Variants in HCN1 observed in about 807,000 individuals in gnomAD.
HCN1 encodes the protein potassium/sodium hyperpolarization-activated cyclic nucleotide-gated channel 1.
Under a neutral mutation model 78.9 loss-of-function variants are expected in HCN1, and 13 were observed. That is an observed-to-expected ratio of 0.16 (90% CI 0.11 to 0.26). The LOEUF is 0.26. Ranked by LOEUF, HCN1 falls within the 10% of genes least tolerant of loss-of-function variation. HCN1 has a pLI of 1.00. For synonymous variants in HCN1, 552 were observed against 455.5 expected (o/e 1.21, Z -2.70); for missense variants, 810 against 1,154.3 (o/e 0.70, Z 4.32).
chr5:45,581,980 CT>C (rs1744086999), intron 2 of HCN1, among the ~76,000 whole-genome samples: 1 of 152,134 alleles, frequency 6.6e-6, no homozygotes, highest in Non-Finnish European at 1.5e-5. Context: ...GTTCATTTGG[CT>C]TAGGATTGAC....
At chr5:45,355,345 C>T (rs191775487) in intron 4 of HCN1, among the ~76,000 whole-genome samples, 208 of 151,940 alleles carry the variant, frequency 1.4e-3, no homozygotes, top group African/African-American at 4.7e-3. Context: ...GTTGCCAAAC[C>T]ACCAATAGCA....
Position 45,348,807 on chromosome 5 carries a change from C to T in HCN1, c.1377+4293G>A, listed in dbSNP as rs564258195. Among the ~76,000 whole-genome samples the T allele has an allele frequency of 3.0e-3, 452 of 152,308 alleles. 2 individuals are homozygous for T. Among genetic ancestry groups the T allele is most frequent in the African/African-American group, 0.01 (428 of 41,572 alleles). On this transcript the variant is annotated intron_variant, in intron 5 of 7. Coordinates refer to ENST00000303230, the MANE Select transcript of HCN1 (RefSeq NM_021072.4). ...TTACATAATGGTAAAGGGATCAATT[C>T]AACAAGAAGAGCTAACTATCCTAAA...
intron 6 of HCN1, among the ~76,000 whole-genome samples, chr5:45,291,650 C>T (rs187684619): frequency 1.1e-4 from 16 of 151,970 alleles, no homozygotes; most frequent in African/African-American, 3.1e-4. Context: ...AGGGATCCTC[C>T]CACTTCAGGC....
At chr5:45,288,058 G>C (rs1745302637) in intron 6 of HCN1, among the ~76,000 whole-genome samples, 2 of 151,912 alleles carry the variant, frequency 1.3e-5, no homozygotes, top group East Asian at 3.9e-4. Flanking sequence ...AAGATCTGTG[G>C]CTTTCCCAAG....
intron 6 of HCN1, among the ~76,000 whole-genome samples, chr5:45,291,356 T>C (rs1460738040): frequency 6.6e-6 from 1 of 152,018 alleles, no homozygotes; most frequent in Admixed American, 6.6e-5. Flanking sequence ...TCGTTCTGTT[T>C]TCTGGACACC....
chr5:45,589,647 T>C (rs1162006857), intron 2 of HCN1, among the ~76,000 whole-genome samples: 1 of 152,208 alleles, frequency 6.6e-6, no homozygotes, highest in African/African-American at 2.4e-5. Flanking sequence ...GTTTGCCTTG[T>C]CCTATATGTG....
In HCN1 at chr5:45,692,004, C is replaced by T. The variant is rs1209564536; in HGVS notation, c.425+3665G>A. Among the ~76,000 whole-genome samples the T allele has an allele frequency of 2.6e-5, 4 of 152,130 alleles. No individual in the cohort carries two copies. The East Asian group carries it at 5.8e-4, about 22-fold the overall frequency. On this transcript the variant is annotated intron_variant, in intron 1 of 7. Transcript: ENST00000303230. ...AATAAGAAGTCAAGATACAAAACTGCCTCCGTTATGAGGAGCAAGATGTTG... is the reference window on the plus strand; with the variant it reads ...AATAAGAAGTCAAGATACAAAACTGTCTCCGTTATGAGGAGCAAGATGTTG...
At chr5:45,585,040 G>T (rs1337458732) in intron 2 of HCN1, among the ~76,000 whole-genome samples, 1 of 152,088 alleles carries the variant, frequency 6.6e-6, no homozygotes. Context: ...TATCACTGGG[G>T]CATTCTCTGT....
intron 3 of HCN1, among the ~76,000 whole-genome samples, chr5:45,398,066 G>C (rs1040778512): frequency 1.3e-5 from 2 of 151,778 alleles, no homozygotes; most frequent in Non-Finnish European, 2.9e-5. Flanking sequence ...TATAGGCTGT[G>C]AGATTAGGGT....
intron 2 of HCN1, among the ~76,000 whole-genome samples, chr5:45,579,171 T>C (rs933538407): frequency 1.3e-5 from 2 of 152,120 alleles, no homozygotes; most frequent in Non-Finnish European, 1.5e-5. Flanking sequence ...TACAGATTTT[T>C]AAACTTAAAT....
intron 2 of HCN1, among the ~76,000 whole-genome samples, chr5:45,515,450 A>G (rs933033921): frequency 5.9e-5 from 9 of 152,168 alleles, no homozygotes; most frequent in African/African-American, 2.2e-4. Flanking sequence ...AGAAACATGA[A>G]CAAAATCATG....
chr5:45,411,958 A>G (rs1218346240), intron 3 of HCN1, among the ~76,000 whole-genome samples: 2 of 152,134 alleles, frequency 1.3e-5, no homozygotes, highest in African/African-American at 4.8e-5. Context: ...CAAGTTTGCC[A>G]CAAATTGGCA....
rs542506993 is a variant in HCN1, at chr5:45,595,506, T to C, written c.849+49679A>G. Among the ~76,000 whole-genome samples, 12 of 152,242 alleles carry C rather than the reference T, an allele frequency of 7.9e-5. No homozygotes were observed. The East Asian group carries it at 2.1e-3, about 27-fold the overall frequency. ...GTGCATGCCACCACATCAGGCTATATTGAAGCTGTGGAGCTTCAATTGTTT... is the reference window on the plus strand; with the variant it reads ...GTGCATGCCACCACATCAGGCTATACTGAAGCTGTGGAGCTTCAATTGTTT... On this transcript the variant is annotated intron_variant, in intron 2 of 7. Transcript: ENST00000303230.
At chr5:45,390,749 T>A (rs1203627902) in intron 4 of HCN1, among the ~76,000 whole-genome samples, 2 of 152,166 alleles carry the variant, frequency 1.3e-5, no homozygotes, top group Admixed American at 1.3e-4. Flanking sequence ...TTTCTGTTTT[T>A]CTATTTAGTT....
rs371492002 is a variant in HCN1, at chr5:45,675,931, G to T, written c.425+19738C>A. Among the ~76,000 whole-genome samples, 4 of 151,810 alleles carry T rather than the reference G, an allele frequency of 2.6e-5. No homozygotes were observed. In the East Asian group the frequency reaches 7.8e-4, roughly 29 times the overall value. The stretch of plus-strand genomic sequence containing the variant: ...AGAGAAATGCTGTAAGAAAAGGTTG[G>T]TGAGCAAACCAAGGATTATCACACT... On this transcript the variant is annotated intron_variant, in intron 1 of 7. Transcript: ENST00000303230.
chr5:45,650,750 C>G (rs1223325420), intron 1 of HCN1, among the ~76,000 whole-genome samples: 1 of 151,922 alleles, frequency 6.6e-6, no homozygotes, highest in African/African-American at 2.4e-5. Context: ...GTCCATGATA[C>G]TAAATCAAGA....
chr5:45,582,345 G>T (rs1744097760), intron 2 of HCN1, among the ~76,000 whole-genome samples: 1 of 152,116 alleles, frequency 6.6e-6, no homozygotes, highest in South Asian at 2.1e-4. Context: ...GTATAAGAAT[G>T]CTTGTGATTT....
At chr5:45,672,748 A>G (rs559001832) in intron 1 of HCN1, among the ~76,000 whole-genome samples, 2 of 151,450 alleles carry the variant, frequency 1.3e-5, no homozygotes, top group South Asian at 4.2e-4. Flanking sequence ...AGCTTTACCT[A>G]TGTTCTCTGA....
chr5:45,534,333 T>C (rs1213267632), intron 2 of HCN1, among the ~76,000 whole-genome samples: 2 of 133,562 alleles, frequency 1.5e-5, no homozygotes, highest in East Asian at 4.6e-4. Context: ...GAGGCAGAGG[T>C]TGCAATGAGC....
Sources: gnomAD v4.1 joint callset for allele counts (sites outside exome capture counted in the v4.1 genomes callset) on GRCh38, gnomAD v4.1.1 for gene constraint, MANE v1.5 for transcripts, NCBI Gene and HGNC (gene_info 2026-07-23, HGNC 2026-07-21) for gene names.